The following KCNG2 variants were observed in gnomAD, a reference collection of about 807,000 sequenced individuals.
The protein encoded by KCNG2 is potassium voltage-gated channel modifier subfamily G member 2.
A neutral mutation model predicts 12.3 loss-of-function variants in KCNG2; 7 were observed. That is an observed-to-expected ratio of 0.57 (90% confidence interval 0.32 to 1.07). KCNG2 has a LOEUF of 1.07. KCNG2 is among the 50% of genes least tolerant of loss of function. The pLI is 0.04. For missense variants in KCNG2, 703 were observed against 726.0 expected (o/e 0.97, Z 0.36); for synonymous variants, 414 against 351.4 (o/e 1.18, Z -1.99).
intron 3 of KCNG2, among the ~76,000 whole-genome samples, chr18:79,866,674 TGA>T (rs139605761): frequency 1.1e-4 from 6 of 54,724 alleles, no homozygotes; most frequent in Non-Finnish European, 1.6e-4. Context: ...GTCTGGGTGC[TGA>T]GAGGTCTGGG....
chr18:79,799,939 A>G (rs2087394399), intron 1 of KCNG2, among the ~76,000 whole-genome samples: 1 of 152,128 alleles, frequency 6.6e-6, no homozygotes, highest in Non-Finnish European at 1.5e-5. Flanking sequence ...GTCAGAAACG[A>G]TAGCGTGCTG....
chr18:79,844,722 G>A (rs1431073436), intron 1 of KCNG2, among the ~76,000 whole-genome samples: 2 of 152,180 alleles, frequency 1.3e-5, no homozygotes, highest in Non-Finnish European at 2.9e-5. Context: ...ACAGCTATGA[G>A]AATGCCTAAA....
intron 1 of KCNG2, among the ~76,000 whole-genome samples, chr18:79,828,754 T>A (rs1381001689): frequency 6.8e-6 from 1 of 147,784 alleles, no homozygotes; most frequent in African/African-American, 2.5e-5. Flanking sequence ...TGTGTGGGTG[T>A]CTATGTGTGC....
intron 2 of KCNG2, among the ~76,000 whole-genome samples, chr18:79,857,790 A>G (rs897334689): frequency 6.6e-6 from 1 of 151,554 alleles, no homozygotes; most frequent in East Asian, 1.9e-4. Context: ...ACCTAACGTT[A>G]TATTTACCAT....
rs368738286 is a variant in KCNG2, at chr18:79,863,935, C to T, written c.268C>T (p.Leu90=). Residue 90 remains leucine (L), a synonymous_variant, in exon 3 of 4, where the codon CTG becomes TTG. Transcript: ENST00000316249. The part of the protein sequence containing the change: ...AIVALLRAGK[L]RLLRGPCALA... ...CGTGGCGCTTTTGCGCGCAGGGAAG[C>T]TGCGACTGCTGCGGGGCCCGTGCGC... 5.4e-5 allele frequency: 73 copies of T among 1,353,840 alleles called. No homozygotes were observed. The highest frequency in any genetic ancestry group is 2.1e-4 in the Middle Eastern group (1 of 4,832). The allele number at this position is 1,353,840 out of a possible 1,614,324, so 83.9% of individuals were successfully genotyped here. A position where few individuals can be genotyped will look rare whatever the true frequency, so the allele number is the denominator to read the frequency against.
chr18:79,799,052 C>G (rs2087387201), intron 1 of KCNG2, among the ~76,000 whole-genome samples: 1 of 152,242 alleles, frequency 6.6e-6, no homozygotes, highest in African/African-American at 2.4e-5. Context: ...AAGTCCTTTC[C>G]CTGCGGGAGC....
intron 1 of KCNG2, among the ~76,000 whole-genome samples, chr18:79,814,550 TGA>T (rs774146436): frequency 1.3e-5 from 2 of 152,056 alleles, no homozygotes; most frequent in Non-Finnish European, 2.9e-5. Flanking sequence ...CTTATAGAGA[TGA>T]GAGCAGATTA....
intron 1 of KCNG2, among the ~76,000 whole-genome samples, chr18:79,812,753 C>CA: frequency 6.6e-6 from 1 of 152,274 alleles, no homozygotes; most frequent in East Asian, 1.9e-4. Flanking sequence ...CCCAGCTACT[C>CA]AGGAGGCTGA....
chr18:79,853,597 C>T (rs965256194), intron 1 of KCNG2, among the ~76,000 whole-genome samples: 4 of 152,186 alleles, frequency 2.6e-5, no homozygotes, highest in African/African-American at 2.4e-5. Context: ...GAGGAGGAGG[C>T]GGGAACCTGC....
At chr18:79,804,897 T>C (rs894659289) in intron 1 of KCNG2, among the ~76,000 whole-genome samples, 2 of 152,228 alleles carry the variant, frequency 1.3e-5, no homozygotes, top group Non-Finnish European at 2.9e-5. Context: ...CCAGAGGTAA[T>C]AGCTGCTAAT....
intron 3 of KCNG2, among the ~76,000 whole-genome samples, chr18:79,885,369 G>C (rs1350129078): frequency 6.6e-6 from 1 of 152,164 alleles, no homozygotes. Context: ...GATCAATCAG[G>C]GTCTGTTTTC....
chr18:79,813,543 G>C (rs1288679073), intron 1 of KCNG2, among the ~76,000 whole-genome samples: 1 of 152,228 alleles, frequency 6.6e-6, no homozygotes, highest in Admixed American at 6.5e-5. Context: ...ATCCATGGGT[G>C]GGGTAGCGTG....
At chr18:79,866,085 GAGAGGTCTGTGTT>G (rs1979519389) in intron 3 of KCNG2, among the ~76,000 whole-genome samples, 1 of 148,370 alleles carries the variant, frequency 6.7e-6, no homozygotes, top group African/African-American at 2.5e-5. Context: ...TCTGTGTTCT[GAGAGGTCTGTGTT>G]CTGAGGTCTG....
intron 3 of KCNG2, among the ~76,000 whole-genome samples, chr18:79,890,170 G>C (rs144025794): frequency 5.8e-4 from 89 of 152,228 alleles, no homozygotes; most frequent in African/African-American, 2.0e-3. Flanking sequence ...TGGTTTTCTT[G>C]TGATACTTCA....
Position 79,864,232 on chromosome 18 carries a change from G to A in KCNG2, c.565G>A (p.Val189Ile), listed in dbSNP as rs1250192403. ...CTGCGTGTCCGTGTCCTTCGTGGCC[G>A]TCACGGCCGTGGGCCTCTGCCTGAG... is the stretch of plus-strand genomic sequence containing the variant. ...FACVSVSFVA[V>I]TAVGLCLSTM... The change falls in exon 3 of 4, where the codon GTC becomes ATC. Residue 189 changes from valine (V) to isoleucine (I), a missense_variant. Val to Ile is a conservative substitution (Grantham distance 29, BLOSUM62 3). Transcript: ENST00000316249. The A allele has an allele frequency of 1.9e-6, 3 of 1,552,072 alleles. No homozygotes were observed. Among genetic ancestry groups the A allele is most frequent in the Non-Finnish European group, 2.6e-6 (3 of 1,153,642 alleles).
intron 3 of KCNG2, among the ~76,000 whole-genome samples, chr18:79,892,113 T>TAAAAA (rs35997999): frequency 6.5e-5 from 8 of 123,666 alleles, no homozygotes; most frequent in Non-Finnish European, 9.9e-5. Flanking sequence ...AGACTCCGTC[T>TAAAAA]AAAAAAAAAA....
At chr18:79,848,895 G>A (rs532235350) in intron 1 of KCNG2, among the ~76,000 whole-genome samples, 1 of 152,296 alleles carries the variant, frequency 6.6e-6, no homozygotes, top group East Asian at 1.9e-4. Flanking sequence ...GCCTCGGTCC[G>A]CATGGGGCCC....
chr18:79,893,837 C>T (rs1220517789), intron 3 of KCNG2, among the ~76,000 whole-genome samples: 1 of 151,444 alleles, frequency 6.6e-6, no homozygotes, highest in East Asian at 2.0e-4. Context: ...GTTGTTCATG[C>T]CATTAATAAC....
chr18:79,798,309 C>A (rs994935688), intron 1 of KCNG2, among the ~76,000 whole-genome samples: 1 of 152,008 alleles, frequency 6.6e-6, no homozygotes, highest in Non-Finnish European at 1.5e-5. Flanking sequence ...AGGCGCTCGC[C>A]GGTCTGGCCG....
Sources: allele counts gnomAD v4.1 joint callset (sites outside exome capture counted in the v4.1 genomes callset), GRCh38; gene constraint gnomAD v4.1.1; transcripts MANE v1.5; gene names NCBI Gene and HGNC (gene_info 2026-07-23, HGNC 2026-07-21).